GFPT2: variants seen among roughly 807,000 people sequenced by gnomAD.
GFPT2 encodes the protein glutamine--fructose-6-phosphate aminotransferase [isomerizing] 2.
GFPT2 carries 62 observed loss-of-function variants against 85.6 expected under a neutral mutation model. The ratio of observed to expected loss-of-function variants is 0.72; its 90% confidence interval spans 0.59 to 0.90. GFPT2 has a LOEUF of 0.90. GFPT2 is among the 40% of genes least tolerant of loss of function. The probability of loss-of-function intolerance (pLI) is 0.00; values close to 1 mark genes in which losing one functional copy is unlikely to be tolerated. For missense variants in GFPT2, 788 were observed against 893.4 expected (o/e 0.88, Z 1.50); for synonymous variants, 368 against 344.5 (o/e 1.07, Z -0.75).
intron 15 of GFPT2, 114 bp downstream of exon 15, chr5:180,312,316 G>T: frequency 1.5e-6 from 1 of 688,908 alleles, no homozygotes; most frequent in Non-Finnish European, 2.6e-6. Flanking sequence ...AAGCTAGGAA[G>T]TTTTAGGAGG....
Position 180,324,178 on chromosome 5 carries a change from G to A in GFPT2, c.794+10C>T. 4.8e-6 allele frequency: 7 copies of A among 1,444,662 alleles called. No individual in the cohort carries two copies. Among genetic ancestry groups the A allele is most frequent in the Non-Finnish European group, 6.8e-6 (7 of 1,028,308 alleles). 89.5% of individuals were successfully genotyped at this position (1,444,662 alleles called of 1,614,324 possible). A position where few individuals can be genotyped will look rare whatever the true frequency, so the allele number is the denominator to read the frequency against. On this transcript the variant is annotated intron_variant, in intron 9 of 18. Coordinates refer to ENST00000253778, the MANE Select transcript of GFPT2 (RefSeq NM_005110.4). The stretch of plus-strand genomic sequence containing the variant: ...AATCCCAGGAAGCGAAGAGAAGAAG[G>A]CTCAGTTACCTTGCATCAGAAGCAA...
At position 180,318,706 on chromosome 5, in the gene GFPT2, T is replaced by G. The variant is rs1764059830; in HGVS notation, c.958+87A>C. Reference sequence around the variant, plus strand: ...CACAGAGGGCAGGAGGGCTGTGGCCTCTACTAGGACCAGGCAGAGTGTCAG... The same window carrying G: ...CACAGAGGGCAGGAGGGCTGTGGCCGCTACTAGGACCAGGCAGAGTGTCAG... On this transcript the variant is annotated intron_variant, in intron 10 of 18. Coordinates refer to ENST00000253778, the MANE Select transcript of GFPT2 (RefSeq NM_005110.4). This position sits in a 1 kb window ranked among gnomAD's most constrained non-coding sequence, Gnocchi z 4.2. 7 of 1,182,178 alleles carry G rather than the reference T, an allele frequency of 5.9e-6. No individual in the cohort carries two copies. Among genetic ancestry groups the G allele is most frequent in the Non-Finnish European group, 8.5e-6 (7 of 822,572 alleles). The allele number at this position is 1,182,178 out of a possible 1,614,324, so 73.2% of individuals were successfully genotyped here. A position where few individuals can be genotyped will look rare whatever the true frequency, so the allele number is the denominator to read the frequency against.
Position 180,302,588 on chromosome 5 carries a change from G to T in GFPT2, c.1843-4C>A. 6.2e-7 allele frequency: 1 copy of T among 1,607,884 alleles called. No individual in the cohort carries two copies. Among genetic ancestry groups the T allele is most frequent in the Non-Finnish European group, 8.5e-7 (1 of 1,175,322 alleles). On this transcript the variant is annotated splice_polypyrimidine_tract_variant and splice_region_variant and intron_variant, in intron 17 of 18. Transcript: ENST00000253778. Reference sequence around the variant, plus strand: ...AGCACAGTATAATGGGGCGACCCTAGAGCAGAGAAATAGCATCATAAAATA... The same window carrying T: ...AGCACAGTATAATGGGGCGACCCTATAGCAGAGAAATAGCATCATAAAATA...
chr5:180,346,590 G>A (rs1268705249), intron 1 of GFPT2, among the ~76,000 whole-genome samples: 1 of 152,164 alleles, frequency 6.6e-6, no homozygotes, highest in East Asian at 1.9e-4. Context: ...GCCTGAGCCC[G>A]CCTTGCTCCC....
chr5:180,302,668 T>C (rs1254776465), intron 17 of GFPT2, 84 bp from the exon 18 acceptor site: 1 of 1,102,904 alleles, frequency 9.1e-7, no homozygotes, highest in East Asian at 2.4e-5. Flanking sequence ...GGAAGCTACA[T>C]TACTGTGATG....
rs1581375550 is a variant in GFPT2, at chr5:180,318,781, G to T, written c.958+12C>A. ...CCGAGGCTGCCGCACGTGGACTCTGGAGGACACCTGCCTTTCATGATTTGC... is the reference window on the plus strand; with the variant it reads ...CCGAGGCTGCCGCACGTGGACTCTGTAGGACACCTGCCTTTCATGATTTGC... On this transcript the variant is annotated intron_variant, in intron 10 of 18. Coordinates refer to ENST00000253778, the MANE Select transcript of GFPT2 (RefSeq NM_005110.4). This position sits in a 1 kb window ranked among gnomAD's most constrained non-coding sequence, Gnocchi z 4.2. The T allele has an allele frequency of 1.2e-6, 2 of 1,612,710 alleles. No homozygotes were observed. The highest frequency in any genetic ancestry group is 4.5e-5 in the East Asian group (2 of 44,878).
chr5:180,353,308 G>A lies in GFPT2; in HGVS notation c.-91C>T, dbSNP rs1417516950. On this transcript the variant is annotated 5_prime_UTR_variant, in exon 1 of 19. Coordinates refer to ENST00000253778, the MANE Select transcript of GFPT2 (RefSeq NM_005110.4). ...CCGTGGGCTCCTCCGTGGGCTCCGT[G>A]GGCTCCGTGGGCTCCGCGGGCTCCA... 11 of 980,498 alleles carry A rather than the reference G, an allele frequency of 1.1e-5. No individual in the cohort carries two copies. Among genetic ancestry groups the A allele is most frequent in the East Asian group, 9.9e-5 (3 of 30,272 alleles). The allele number at this position is 980,498 out of a possible 1,614,324, so 60.7% of individuals were successfully genotyped here.
rs1322623836 is a variant in GFPT2 at position 180,318,564 on chromosome 5, G to A, written c.958+229C>T. On this transcript the variant is annotated intron_variant, in intron 10 of 18. Transcript: ENST00000253778. The surrounding 1 kb of genome is among the most constrained non-coding windows in gnomAD (Gnocchi z 4.2). ...TGACACACTGGGCTCAGTTCCAGTA[G>A]GAAAGACCTGGCGGCTGGCTGCACA... is the stretch of plus-strand genomic sequence containing the variant. 6 of 543,052 alleles carry A rather than the reference G, an allele frequency of 1.1e-5. No homozygotes were observed. In the East Asian group the frequency reaches 1.8e-4, roughly 16 times the overall value. The allele number at this position is 543,052 out of a possible 1,614,324, so 33.6% of individuals were successfully genotyped here.
intron 15 of GFPT2, among the ~76,000 whole-genome samples, chr5:180,308,314 T>C (rs1456588012): frequency 6.6e-6 from 1 of 151,916 alleles, no homozygotes; most frequent in African/African-American, 2.4e-5. Flanking sequence ...TTTAAAAATA[T>C]TCACTTTAAA....
At chr5:180,343,624 G>A (rs910348867) in intron 1 of GFPT2, among the ~76,000 whole-genome samples, 1 of 152,230 alleles carries the variant, frequency 6.6e-6, no homozygotes, top group African/African-American at 2.4e-5. Flanking sequence ...GATCCTCCCT[G>A]CACTCTACTG....
chr5:180,322,009 G>T (rs1035083734), intron 9 of GFPT2, among the ~76,000 whole-genome samples: 1 of 151,390 alleles, frequency 6.6e-6, no homozygotes, highest in Non-Finnish European at 1.5e-5. Flanking sequence ...GGATGGTCTC[G>T]ATCTCCTGAT....
At chr5:180,313,993 C>T (rs1304220360) in intron 13 of GFPT2, 29 bp from the exon 14 acceptor site, 1 of 1,566,888 alleles carries the variant, frequency 6.4e-7, no homozygotes, top group Non-Finnish European at 8.6e-7. Flanking sequence ...CTCAGTGCCG[C>T]GCTCCGCCAG....
chr5:180,320,762 G>A (rs1166271770), intron 9 of GFPT2, among the ~76,000 whole-genome samples: 5 of 152,132 alleles, frequency 3.3e-5, no homozygotes, highest in East Asian at 3.9e-4. Context: ...GCAAGACTCC[G>A]TCTCAAAAAA....
At chr5:180,317,509 CAGCACTTTGGGA>C (rs538642959) in intron 10 of GFPT2, among the ~76,000 whole-genome samples, 103 of 145,358 alleles carry the variant, frequency 7.1e-4, no homozygotes, top group South Asian at 5.0e-3. Context: ...CCTGTAATCC[CAGCACTTTGGGA>C]GGCCGAGGCG....
intron 7 of GFPT2, among the ~76,000 whole-genome samples, chr5:180,325,571 G>A: frequency 6.6e-6 from 1 of 152,234 alleles, no homozygotes; most frequent in East Asian, 1.9e-4. Flanking sequence ...GGAGTCTGCA[G>A]CTGGCCAAGG....
chr5:180,307,407 T>C, intron 15 of GFPT2, 104 bp from the exon 16 acceptor site: 1 of 1,121,586 alleles, frequency 8.9e-7, no homozygotes, highest in East Asian at 2.4e-5. Flanking sequence ...TGAAACCGCA[T>C]CACTTAGCAC....
At chr5:180,348,527 G>A (rs1764653208) in intron 1 of GFPT2, among the ~76,000 whole-genome samples, 1 of 152,262 alleles carries the variant, frequency 6.6e-6, no homozygotes, top group Admixed American at 6.5e-5. Flanking sequence ...CTTACAGAAA[G>A]ACAGAGGAGC....
intron 15 of GFPT2, among the ~76,000 whole-genome samples, chr5:180,308,153 G>A (rs891300231): frequency 3.9e-5 from 6 of 152,064 alleles, no homozygotes; most frequent in African/African-American, 1.4e-4. Flanking sequence ...CTACTCGGGA[G>A]GCTGAGGCAG....
intron 5 of GFPT2, 123 bp downstream of exon 5, chr5:180,331,372 G>A (rs764942844): frequency 1.2e-5 from 8 of 664,794 alleles, no homozygotes; most frequent in East Asian, 2.6e-5. Flanking sequence ...ACACGGTGAC[G>A]TGGCTGAGTG....
Sources: gnomAD v4.1 joint callset for allele counts (sites outside exome capture counted in the v4.1 genomes callset) on GRCh38, gnomAD v4.1.1 for gene constraint, Gnocchi (gnomAD v3.1) non-coding constraint, MANE v1.5 for transcripts, NCBI Gene and HGNC (gene_info 2026-07-23, HGNC 2026-07-21) for gene names.